Variants in NAA60 observed in about 807,000 individuals in gnomAD.
The protein encoded by NAA60 is N-alpha-acetyltransferase 60, NatF catalytic subunit, also known as N-alpha-acetyltransferase 60.
A neutral mutation model predicts 26.1 loss-of-function variants in NAA60; 8 were observed. That is an observed-to-expected ratio of 0.31 (90% CI 0.18 to 0.55). The LOEUF is 0.55. NAA60 is among the 20% of genes least tolerant of loss of function. The probability of loss-of-function intolerance (pLI) is 0.93; values close to 1 mark genes in which losing one functional copy is unlikely to be tolerated. For missense variants in NAA60, 290 were observed against 311.3 expected, an observed-to-expected ratio of 0.93 and a Z score of 0.51; for synonymous variants, 131 against 122.5, an observed-to-expected ratio of 1.07 and a Z score of -0.46.
intron 2 of NAA60, among the ~76,000 whole-genome samples, chr16:3,463,586 C>T (rs530752882): frequency 3.4e-5 from 5 of 147,606 alleles, no homozygotes; most frequent in African/African-American, 7.5e-5. Flanking sequence ...CAAGCTGGCG[C>T]GGATGCAGTG....
chr16:3,467,224 T>C (rs2035823575), intron 2 of NAA60, among the ~76,000 whole-genome samples: 1 of 151,594 alleles, frequency 6.6e-6, no homozygotes, highest in African/African-American at 2.4e-5. Flanking sequence ...AGCTGAAGCG[T>C]GTGGCGGGAG....
At chr16:3,448,734 G>T in intron 2 of NAA60, 194 bp downstream of exon 2, 1 of 542,124 alleles carries the variant, frequency 1.8e-6, no homozygotes, top group Non-Finnish European at 3.3e-6. Flanking sequence ...ATATTCTTAC[G>T]TTAGGTACAC....
chr16:3,476,200 T>TCC, intron 2 of NAA60, 22 bp from the exon 3 acceptor site: 4 of 1,540,882 alleles, frequency 2.6e-6, no homozygotes, highest in African/African-American at 1.4e-5. Flanking sequence ...AGGTGACGCG[T>TCC]CCCCCCCACC....
At chr16:3,463,480 A>T (rs1354551988) in intron 2 of NAA60, among the ~76,000 whole-genome samples, 2 of 145,814 alleles carry the variant, frequency 1.4e-5, no homozygotes, top group Non-Finnish European at 3.0e-5. Context: ...TGAGCCCAGG[A>T]GGTGGAGGTT....
chr16:3,457,920 C>A (rs921921212), intron 2 of NAA60: 1 of 786,082 alleles, frequency 1.3e-6, no homozygotes, highest in Non-Finnish European at 1.5e-6. Context: ...CGCTCCCAAC[C>A]TGCCCGCTCC....
At chr16:3,453,930 A>G (rs2034880427) in intron 2 of NAA60, among the ~76,000 whole-genome samples, 1 of 152,160 alleles carries the variant, frequency 6.6e-6, no homozygotes, top group East Asian at 1.9e-4. Context: ...ATTGGTGTCC[A>G]GGATCCAGAG....
chr16:3,477,095 G>A (rs2036532065), intron 3 of NAA60, among the ~76,000 whole-genome samples: 1 of 152,032 alleles, frequency 6.6e-6, no homozygotes, highest in African/African-American at 2.4e-5. Flanking sequence ...AAAATAGTAT[G>A]TACCACGATC....
chr16:3,451,595 C>CT (rs2034786993), intron 2 of NAA60, among the ~76,000 whole-genome samples: 1 of 152,098 alleles, frequency 6.6e-6, no homozygotes, highest in Non-Finnish European at 1.5e-5. Flanking sequence ...AACAATGAGA[C>CT]CTTTTTCAGT....
chr16:3,473,150 C>G (rs1182238332), intron 2 of NAA60, among the ~76,000 whole-genome samples: 3 of 152,176 alleles, frequency 2.0e-5, no homozygotes, highest in African/African-American at 7.2e-5. Flanking sequence ...ATTCTTGAAC[C>G]TCAGCCTCCT....
Position 3,483,504 on chromosome 16 carries a change from A to C in NAA60, c.479A>C (p.Tyr160Ser). The C allele has an allele frequency of 1.2e-6, 2 of 1,613,896 alleles. No individual in the cohort carries two copies. The change falls in exon 6 of 8, where the codon TAT (tyrosine) becomes TCT (serine). Residue 160 changes from tyrosine (Y) to serine (S), a missense_variant. Transcript: ENST00000407558. ...AACAGAGACTTCAAGCAGCACCACTATCTCCCCTATTACTACTCCATTCGA... is the reference window on the plus strand; with the variant it reads ...AACAGAGACTTCAAGCAGCACCACTCTCTCCCCTATTACTACTCCATTCGA... ...YENRDFKQHH[Y>S]LPYYYSIRGV...
chr16:3,448,380 C>G, intron 1 of NAA60, 91 bp from the exon 2 acceptor site: 1 of 1,012,402 alleles, frequency 9.9e-7, no homozygotes, highest in Non-Finnish European at 1.4e-6. Flanking sequence ...ACTCTGAGAT[C>G]CAGGGTTTGT....
chr16:3,457,364 A>T (rs1379031209), intron 2 of NAA60, among the ~76,000 whole-genome samples: 1 of 152,194 alleles, frequency 6.6e-6, no homozygotes. Flanking sequence ...GCTACTTGGG[A>T]GACTGAGGCG....
chr16:3,465,531 A>G (rs560650300), intron 2 of NAA60, among the ~76,000 whole-genome samples: 85 of 152,230 alleles, frequency 5.6e-4, no homozygotes, highest in Admixed American at 3.3e-4. Context: ...AAGAGCAGGG[A>G]AGGTGCTGTC....
intron 2 of NAA60, chr16:3,457,918 A>C: frequency 7.4e-6 from 3 of 408,038 alleles, no homozygotes; most frequent in Non-Finnish European, 8.3e-6. Flanking sequence ...CCCGCTCCCA[A>C]CCTGCCCGCT....
At chr16:3,446,328 G>A (rs973439530) in intron 1 of NAA60, among the ~76,000 whole-genome samples, 11 of 151,990 alleles carry the variant, frequency 7.2e-5, no homozygotes, top group Non-Finnish European at 1.2e-4. Flanking sequence ...TCAGGAGATC[G>A]AGACCATCCT....
chr16:3,467,666 G>C (rs896838843), intron 2 of NAA60: 1 of 152,172 alleles, frequency 6.6e-6, no homozygotes, highest in African/African-American at 2.4e-5. Context: ...AGTCCATTCT[G>C]TGTCCCCCAG....
chr16:3,445,912 A>G (rs1351707116), intron 1 of NAA60, among the ~76,000 whole-genome samples: 3 of 152,204 alleles, frequency 2.0e-5, no homozygotes, highest in Non-Finnish European at 2.9e-5. Context: ...TAAAGAGATG[A>G]CATACAAAGT....
At position 3,484,468 on chromosome 16, in the gene NAA60, C is replaced by A. The variant is rs527758153; in HGVS notation, c.573-231C>A. ...TGTGGTGTCCACATGCCTGCTGCCT[C>A]ACTCAGAAGGCCCTTCTGTCCCCAG... On this transcript the variant is annotated intron_variant, in intron 6 of 7. Coordinates refer to ENST00000407558, the MANE Select transcript of NAA60 (RefSeq NM_001083601.3). The A allele has an allele frequency of 2.6e-4, 157 of 594,776 alleles. 3 individuals are homozygous for A. The highest frequency in any genetic ancestry group is 2.4e-3 in the South Asian group (114 of 48,260). 36.8% of individuals were successfully genotyped at this position (594,776 alleles called of 1,614,324 possible). A position where few individuals can be genotyped will look rare whatever the true frequency, so the allele number is the denominator to read the frequency against.
intron 2 of NAA60, among the ~76,000 whole-genome samples, chr16:3,472,637 C>G (rs2036227669): frequency 6.6e-6 from 1 of 152,040 alleles, no homozygotes. Flanking sequence ...GTTTCACCAT[C>G]TTGGCCAGGC....
Sources: gnomAD v4.1 joint callset for allele counts (sites outside exome capture counted in the v4.1 genomes callset) on GRCh38, gnomAD v4.1.1 for gene constraint, MANE v1.5 for transcripts, NCBI Gene and HGNC (gene_info 2026-07-23, HGNC 2026-07-21) for gene names.